PIEZO2: variants seen among roughly 807,000 people sequenced by gnomAD.
PIEZO2 encodes the protein piezo-type mechanosensitive ion channel component 2.
In PIEZO2, 172 loss-of-function variants were observed where a neutral mutation model predicts 337.3. That is an observed-to-expected ratio of 0.51 (90% CI 0.45 to 0.58). The LOEUF is 0.58. Among genes scored for constraint, PIEZO2 ranks in the 20% least tolerant of loss-of-function variants. The probability of loss-of-function intolerance (pLI) is 0.00; values close to 1 mark genes in which losing one functional copy is unlikely to be tolerated. For missense variants in PIEZO2, 3,028 were observed against 3,391.3 expected, an observed-to-expected ratio of 0.89 and a Z score of 2.66; for synonymous variants, 1,251 against 1,228.5, an observed-to-expected ratio of 1.02 and a Z score of -0.38.
chr18:10,965,287 C>T (rs894151018), intron 3 of PIEZO2, among the ~76,000 whole-genome samples: 1 of 152,332 alleles, frequency 6.6e-6, no homozygotes, highest in South Asian at 2.1e-4. Context: ...CTTGTCAACA[C>T]ATGTTATTGC....
rs555322537 is a variant in PIEZO2, at chr18:10,689,651, T to C, written c.7497+4A>G. 2 of 1,614,178 alleles carry C rather than the reference T, an allele frequency of 1.2e-6. No individual in the cohort carries two copies. On this transcript the variant is annotated splice_donor_region_variant and intron_variant, in intron 49 of 55. Transcript: ENST00000674853. ...GGAATAAGGCACATCTCCTGGCTTCTTACCTTCTCCGACTCCCGCCAACAC... is the reference window on the plus strand; with the variant it reads ...GGAATAAGGCACATCTCCTGGCTTCCTACCTTCTCCGACTCCCGCCAACAC...
intron 4 of PIEZO2, among the ~76,000 whole-genome samples, chr18:10,907,088 C>A (rs921326915): frequency 1.3e-5 from 2 of 152,086 alleles, no homozygotes; most frequent in Admixed American, 6.5e-5. Flanking sequence ...TCTGAAAGAA[C>A]TGAAGAATTT....
chr18:10,932,851 G>A, intron 3 of PIEZO2, among the ~76,000 whole-genome samples: 1 of 151,988 alleles, frequency 6.6e-6, no homozygotes, highest in Non-Finnish European at 1.5e-5. Flanking sequence ...TTGAGCCTAG[G>A]AGATCGAGGC....
chr18:11,067,402 T>C (rs1321967185), intron 1 of PIEZO2, among the ~76,000 whole-genome samples: 1 of 152,120 alleles, frequency 6.6e-6, no homozygotes, highest in Non-Finnish European at 1.5e-5. Flanking sequence ...AAAAAAATTA[T>C]CTTGAATGTA....
At chr18:10,714,706 T>G in intron 39 of PIEZO2, 58 bp downstream of exon 39, 42 of 1,503,412 alleles carry the variant, frequency 2.8e-5, no homozygotes, top group Non-Finnish European at 3.4e-5. Context: ...TTATATTTGA[T>G]GACATCCACC....
intron 28 of PIEZO2, among the ~76,000 whole-genome samples, chr18:10,751,349 C>T (rs945167899): frequency 1.3e-5 from 2 of 152,158 alleles, no homozygotes; most frequent in African/African-American, 4.8e-5. Context: ...CCTCTGGCAA[C>T]AGATTCCTCA....
chr18:10,768,285 C>T (rs535743691), intron 21 of PIEZO2, among the ~76,000 whole-genome samples: 7 of 152,142 alleles, frequency 4.6e-5, no homozygotes, highest in East Asian at 3.9e-4. Context: ...TCAGAAAGTG[C>T]GCTGTGTTCA....
At chr18:10,788,284 C>A (rs1311171398) in intron 15 of PIEZO2, among the ~76,000 whole-genome samples, 1 of 151,840 alleles carries the variant, frequency 6.6e-6, no homozygotes, top group Admixed American at 6.6e-5. Context: ...CACTTGGAAT[C>A]CCAGCTACTT....
At chr18:10,695,576 C>A (rs1172645111) in intron 47 of PIEZO2, among the ~76,000 whole-genome samples, 1 of 152,138 alleles carries the variant, frequency 6.6e-6, no homozygotes, top group African/African-American at 2.4e-5. Flanking sequence ...CTGCAGTTAA[C>A]CCCCACCAGT....
Position 11,125,391 on chromosome 18 carries a change from C to T in PIEZO2, c.64+23134G>A, listed in dbSNP as rs942790021. 6.6e-6 allele frequency among the ~76,000 whole-genome samples: 1 copy of T among 152,180 alleles called. No individual in the cohort carries two copies. The highest frequency in any genetic ancestry group is 1.5e-5 in the Non-Finnish European group (1 of 68,036). On this transcript the variant is annotated intron_variant, in intron 1 of 55. Coordinates refer to ENST00000674853, the MANE Select transcript of PIEZO2 (RefSeq NM_001378183.1). This position sits in a 1 kb window ranked among gnomAD's most constrained non-coding sequence, Gnocchi z 4.4. ...TGTGGCATTTCAGCAATTTTAAAAT[C>T]CAACTTTTGCCATTATCTGAAGATA...
chr18:11,081,088 A>G (rs747458102), intron 1 of PIEZO2, among the ~76,000 whole-genome samples: 1 of 152,224 alleles, frequency 6.6e-6, no homozygotes, highest in East Asian at 1.9e-4. Context: ...GCAAGAAACA[A>G]GAAAGTTTCC....
rs201936516 is a variant in PIEZO2 at position 10,671,859 on chromosome 18, T to TA, written c.8346-81dup. 7,575 of 1,271,892 alleles carry TA rather than the reference T, an allele frequency of 6.0e-3. 60 individuals are homozygous for TA. The highest frequency in any genetic ancestry group is 0.025 in the Middle Eastern group (122 of 4,958). 78.8% of individuals were successfully genotyped at this position (1,271,892 alleles called of 1,614,324 possible). On this transcript the variant is annotated intron_variant, in intron 55 of 55. Coordinates refer to ENST00000674853, the MANE Select transcript of PIEZO2 (RefSeq NM_001378183.1). Reference sequence around the variant, plus strand: ...GAAAAGCATGTCTAAAAGAAAAAAATATTACTTTCCCTCAAATTCTGTAGA... The same window carrying TA: ...GAAAAGCATGTCTAAAAGAAAAAAATAATTACTTTCCCTCAAATTCTGTAGA...
chr18:10,985,613 G>T (rs2034841281), intron 2 of PIEZO2, among the ~76,000 whole-genome samples: 1 of 151,998 alleles, frequency 6.6e-6, no homozygotes, highest in Non-Finnish European at 1.5e-5. Context: ...TTGAAATCAG[G>T]AAGTGTGATG....
Position 10,767,530 on chromosome 18 carries a change from T to A in PIEZO2, c.2946+2618A>T, listed in dbSNP as rs529948997. On this transcript the variant is annotated intron_variant, in intron 21 of 55. Coordinates refer to ENST00000674853, the MANE Select transcript of PIEZO2 (RefSeq NM_001378183.1). This position sits in a 1 kb window ranked among gnomAD's most constrained non-coding sequence, Gnocchi z 4.2. ...AGGTGGGGATGCAGGGAGGAGAACG[T>A]CCTCTGCGCGCAGCCCGAGTGAGGA... 6.6e-6 allele frequency among the ~76,000 whole-genome samples: 1 copy of A among 152,186 alleles called. No homozygotes were observed. The highest frequency in any genetic ancestry group is 1.9e-4 in the East Asian group (1 of 5,160).
Position 10,767,701 on chromosome 18 carries a change from G to T in PIEZO2, c.2946+2447C>A, listed in dbSNP as rs2038422523. 6.6e-6 allele frequency among the ~76,000 whole-genome samples: 1 copy of T among 152,118 alleles called. No homozygotes were observed. The highest frequency in any genetic ancestry group is 6.5e-5 in the Admixed American group (1 of 15,272). Reference sequence around the variant, plus strand: ...ACAAGCAGAGCAGGGCCTGTGTGAGGGTGGCCCCTGGTCCTGATGGGGAGG... The same window carrying T: ...ACAAGCAGAGCAGGGCCTGTGTGAGTGTGGCCCCTGGTCCTGATGGGGAGG... On this transcript the variant is annotated intron_variant, in intron 21 of 55. Coordinates refer to ENST00000674853, the MANE Select transcript of PIEZO2 (RefSeq NM_001378183.1). This position sits in a 1 kb window ranked among gnomAD's most constrained non-coding sequence, Gnocchi z 4.2.
chr18:10,857,102 A>G lies in PIEZO2; in HGVS notation c.602T>C (p.Phe201Ser), dbSNP rs1342248019. The change falls in exon 6 of 56, where the codon TTC becomes TCC. Residue 201 changes from phenylalanine to serine, a missense_variant. Physicochemically the swap from Phe to Ser is radical, Grantham distance 155. Coordinates refer to ENST00000674853, the MANE Select transcript of PIEZO2 (RefSeq NM_001378183.1). ...AGAGGCCACAGAGGCAAGCCTGCGG[A>G]ACATTTTTAACTTCGTGCTTTCTTC... ...ELEESTKLKM[F>S]RRLASVASKL... is the part of the protein sequence containing the mutation. The G allele has an allele frequency of 5.9e-6, 9 of 1,537,684 alleles. No homozygotes were observed. Among genetic ancestry groups the G allele is most frequent in the South Asian group, 1.2e-5 (1 of 84,064 alleles).
intron 2 of PIEZO2, among the ~76,000 whole-genome samples, chr18:10,991,996 T>C (rs544670635): frequency 1.3e-5 from 2 of 152,378 alleles, no homozygotes; most frequent in East Asian, 1.9e-4. Flanking sequence ...ATGAGCTTTT[T>C]TTCATATGTT....
rs2040146182 is a variant in PIEZO2 at position 11,125,102 on chromosome 18, G to C, written c.64+23423C>G. On this transcript the variant is annotated intron_variant, in intron 1 of 55. Transcript: ENST00000674853. This position sits in a 1 kb window ranked among gnomAD's most constrained non-coding sequence, Gnocchi z 4.4. Reference sequence around the variant, plus strand: ...TTCATTTCTTCACATGTAAAATCTAGAGTCATACCCATTTCACAGAGCATT... The same window carrying C: ...TTCATTTCTTCACATGTAAAATCTACAGTCATACCCATTTCACAGAGCATT... 1.3e-5 allele frequency among the ~76,000 whole-genome samples: 2 copies of C among 151,870 alleles called. No individual in the cohort carries two copies.
At chr18:10,882,889 A>T (rs1225138323) in intron 4 of PIEZO2, among the ~76,000 whole-genome samples, 1 of 122,508 alleles carries the variant, frequency 8.2e-6, no homozygotes, top group Admixed American at 1.2e-4. Flanking sequence ...ACCAGGCTGG[A>T]GTGCAGTGGT....
Sources: allele counts gnomAD v4.1 joint callset (sites outside exome capture counted in the v4.1 genomes callset), GRCh38; gene constraint gnomAD v4.1.1; non-coding constraint Gnocchi (gnomAD v3.1); transcripts MANE v1.5; gene names NCBI Gene and HGNC (gene_info 2026-07-23, HGNC 2026-07-21).